SLC38A1: variants seen among roughly 807,000 people sequenced by gnomAD.
SLC38A1 encodes solute carrier family 38 member 1, also known as sodium-coupled neutral amino acid symporter 1.
Under a neutral mutation model 60.3 loss-of-function variants are expected in SLC38A1, and 18 were observed. The observed-to-expected ratio is 0.30, with a 90% CI of 0.21 to 0.44. The LOEUF is 0.44. Among genes scored for constraint, SLC38A1 ranks in the 20% least tolerant of loss-of-function variants. The pLI is 1.00. For synonymous variants in SLC38A1, 196 were observed against 212.1 expected, an observed-to-expected ratio of 0.92 and a Z score of 0.66; for missense variants, 448 against 587.2, an observed-to-expected ratio of 0.76 and a Z score of 2.45.
In SLC38A1 at chr12:46,185,730, G is replaced by C. The variant is rs990571080; in HGVS notation, c.*3240C>G. ...GGACAACAGCAGAGTTACCAGCTGA[G>C]GGATGTCCCTGGAGGTTTCTGACCC... On this transcript the variant is annotated 3_prime_UTR_variant, in exon 17 of 17. Coordinates refer to ENST00000398637, the MANE Select transcript of SLC38A1 (RefSeq NM_030674.4). The C allele has an allele frequency of 6.6e-6, 1 of 152,090 alleles. No individual in the cohort carries two copies. The highest frequency in any genetic ancestry group is 2.4e-5 in the African/African-American group (1 of 41,394). 9.4% of individuals were successfully genotyped at this position (152,090 alleles called of 1,614,324 possible). A position where few individuals can be genotyped will look rare whatever the true frequency, so the allele number is the denominator to read the frequency against.
At chr12:46,262,806 T>C (rs779347778) in intron 1 of SLC38A1, among the ~76,000 whole-genome samples, 6 of 152,084 alleles carry the variant, frequency 3.9e-5, no homozygotes, top group African/African-American at 7.2e-5. Context: ...AAAGAGAAAA[T>C]GTAATAAAAG....
At chr12:46,203,180 A>G in intron 11 of SLC38A1, 91 bp from the exon 12 acceptor site, 2 of 1,031,518 alleles carry the variant, frequency 1.9e-6, no homozygotes, top group Non-Finnish European at 2.9e-6. Context: ...TTTTTATCTG[A>G]CAGCTCTTCA....
chr12:46,197,751 T>A lies in SLC38A1; in HGVS notation c.1331A>T (p.Gln444Leu). 1 of 1,602,714 alleles carries A rather than the reference T, an allele frequency of 6.2e-7. No homozygotes were observed. Among genetic ancestry groups the A allele is most frequent in the Non-Finnish European group, 8.5e-7 (1 of 1,176,756 alleles). The change falls in exon 16 of 17, where the codon CAG becomes CTG. Residue 444 changes from glutamine (Q) to leucine (L), a missense_variant. Transcript: ENST00000398637. ...PSSLYLKITD[Q>L]DGDKGTQRIW... ...TCTTTGAGTTCCTTTATCTCCATCC[T>A]GGTCTGTGATTTTTAAATAAAGAGA... is the stretch of plus-strand genomic sequence containing the variant.
chr12:46,212,489 A>T (rs1207582081), intron 5 of SLC38A1, among the ~76,000 whole-genome samples: 1 of 152,230 alleles, frequency 6.6e-6, no homozygotes, highest in Non-Finnish European at 1.5e-5. Context: ...TTTCAGACTT[A>T]TGTTCATCTT....
intron 1 of SLC38A1, among the ~76,000 whole-genome samples, chr12:46,259,406 T>TAA (rs1942131360): frequency 6.6e-6 from 1 of 152,220 alleles, no homozygotes; most frequent in Non-Finnish European, 1.5e-5. Context: ...AAGGCTTCAT[T>TAA]AACTTGATGT....
chr12:46,249,663 C>T (rs547426015), intron 1 of SLC38A1, among the ~76,000 whole-genome samples: 43 of 152,196 alleles, frequency 2.8e-4, no homozygotes, highest in African/African-American at 1.0e-3. Context: ...ATATCACCAC[C>T]AATCCCACAG....
At chr12:46,224,208 C>G (rs1940776118) in intron 5 of SLC38A1, among the ~76,000 whole-genome samples, 1 of 152,128 alleles carries the variant, frequency 6.6e-6, no homozygotes, top group Non-Finnish European at 1.5e-5. Flanking sequence ...GTACTTGTGC[C>G]TCAGTACATC....
At chr12:46,195,316 G>A (rs75307306) in intron 16 of SLC38A1, among the ~76,000 whole-genome samples, 2,268 of 152,250 alleles carry the variant, frequency 0.015, 51 homozygotes, top group South Asian at 0.079. Flanking sequence ...TGGAAGCTTC[G>A]TCCCAGAGGG....
At chr12:46,202,965 G>A in intron 12 of SLC38A1, 45 bp downstream of exon 12, 1 of 1,432,462 alleles carries the variant, frequency 7.0e-7, no homozygotes, top group Non-Finnish European at 9.8e-7. Context: ...CTATTAATGA[G>A]GGGATGTAAA....
intron 8 of SLC38A1, among the ~76,000 whole-genome samples, chr12:46,206,761 T>G (rs1420221627): frequency 1.3e-5 from 2 of 152,222 alleles, no homozygotes; most frequent in Non-Finnish European, 1.5e-5. Flanking sequence ...TGAGGTTGGC[T>G]CATGTAAATT....
chr12:46,233,988 G>C (rs1302360988), intron 3 of SLC38A1, among the ~76,000 whole-genome samples: 1 of 152,180 alleles, frequency 6.6e-6, no homozygotes, highest in Non-Finnish European at 1.5e-5. Context: ...TGCATTCTGA[G>C]AGCAGAGAAT....
intron 2 of SLC38A1, among the ~76,000 whole-genome samples, chr12:46,241,707 G>A (rs73278897): frequency 2.6e-3 from 401 of 152,254 alleles, no homozygotes; most frequent in African/African-American, 9.2e-3. Flanking sequence ...AAGCTGAAAT[G>A]AATTAAAATG....
chr12:46,214,529 A>T (rs1940317775), intron 5 of SLC38A1, among the ~76,000 whole-genome samples: 1 of 152,260 alleles, frequency 6.6e-6, no homozygotes, highest in South Asian at 2.1e-4. Flanking sequence ...GAAAGCTGTG[A>T]CAACAAATAA....
At chr12:46,262,729 T>C (rs1942237349) in intron 1 of SLC38A1, among the ~76,000 whole-genome samples, 1 of 152,090 alleles carries the variant, frequency 6.6e-6, no homozygotes, top group Non-Finnish European at 1.5e-5. Flanking sequence ...CTTTAAAGCA[T>C]CACAAAGTGC....
chr12:46,195,737 T>C (rs1267683737), intron 16 of SLC38A1: 1 of 194,474 alleles, frequency 5.1e-6, no homozygotes, highest in Non-Finnish European at 1.1e-5. Context: ...CAAGGCTCCG[T>C]TGGCATGGAA....
chr12:46,198,822 G>T, intron 13 of SLC38A1, 79 bp from the exon 14 acceptor site: 1 of 847,934 alleles, frequency 1.2e-6, no homozygotes, highest in Non-Finnish European at 1.9e-6. Context: ...GAAAAACAAA[G>T]AATCTGTAAA....
Position 46,207,518 on chromosome 12 carries a change from G to A in SLC38A1, c.481+11C>T. 6.2e-7 allele frequency: 1 copy of A among 1,609,570 alleles called. No individual in the cohort carries two copies. The highest frequency in any genetic ancestry group is 8.5e-7 in the Non-Finnish European group (1 of 1,176,116). Reference sequence around the variant, plus strand: ...TTTCAAGTTATGTAAAGAAAAGCATGTTCTTTTTACCTCCAGTGTTCTGTA... The same window carrying A: ...TTTCAAGTTATGTAAAGAAAAGCATATTCTTTTTACCTCCAGTGTTCTGTA... On this transcript the variant is annotated intron_variant, in intron 7 of 16. Coordinates refer to ENST00000398637, the MANE Select transcript of SLC38A1 (RefSeq NM_030674.4).
At position 46,196,313 on chromosome 12, in the gene SLC38A1, G is replaced by A. The variant is rs1329361994; in HGVS notation, c.1362+1407C>T. The A allele has an allele frequency of 2.3e-5, 35 of 1,533,526 alleles. No homozygotes were observed. In the East Asian group the frequency reaches 7.8e-4, roughly 34 times the overall value. 95.0% of individuals were successfully genotyped at this position (1,533,526 alleles called of 1,614,324 possible). A position where few individuals can be genotyped will look rare whatever the true frequency, so the allele number is the denominator to read the frequency against. On this transcript the variant is annotated intron_variant, in intron 16 of 16. Transcript: ENST00000398637. ...GAGGAGCAAATTGGGGGTTGACATGGCTGCACATGGCATACCATCCTGGGT... is the reference window on the plus strand; with the variant it reads ...GAGGAGCAAATTGGGGGTTGACATGACTGCACATGGCATACCATCCTGGGT...
At chr12:46,206,892 T>C (rs1470064564) in intron 8 of SLC38A1, among the ~76,000 whole-genome samples, 1 of 152,214 alleles carries the variant, frequency 6.6e-6, no homozygotes, top group Non-Finnish European at 1.5e-5. Context: ...AAACTAGATA[T>C]AGATTTCAGG....
Sources: gnomAD v4.1 joint callset for allele counts (sites outside exome capture counted in the v4.1 genomes callset) on GRCh38, gnomAD v4.1.1 for gene constraint, MANE v1.5 for transcripts, NCBI Gene and HGNC (gene_info 2026-07-23, HGNC 2026-07-21) for gene names.